The following CCAR1 variants were observed in gnomAD, a reference collection of about 807,000 sequenced individuals.
CCAR1 encodes the protein cell division cycle and apoptosis regulator protein 1.
A neutral mutation model predicts 163.8 loss-of-function variants in CCAR1; 78 were observed. That is an observed-to-expected ratio of 0.48 (90% CI 0.40 to 0.57). The LOEUF (loss-of-function observed/expected upper bound fraction) is 0.57, where lower values mean the gene tolerates loss of function less well. CCAR1 is among the 20% of genes least tolerant of loss of function. CCAR1 has a pLI of 0.00. For synonymous variants in CCAR1, 443 were observed against 460.7 expected, an observed-to-expected ratio of 0.96 and a Z score of 0.49; for missense variants, 1,019 against 1,365.2, an observed-to-expected ratio of 0.75 and a Z score of 4.00.
intron 19 of CCAR1, among the ~76,000 whole-genome samples, 153 bp from the exon 20 acceptor site, chr10:68,785,983 C>T (rs2056791089): frequency 6.6e-6 from 1 of 152,088 alleles, no homozygotes; most frequent in Admixed American, 6.6e-5. Flanking sequence ...TGATCTGTCA[C>T]CCAGACTGGA....
intron 15 of CCAR1, among the ~76,000 whole-genome samples, chr10:68,758,888 G>A (rs907849094): frequency 6.6e-6 from 1 of 151,804 alleles, no homozygotes; most frequent in Non-Finnish European, 1.5e-5. Flanking sequence ...GGCCAGGCTG[G>A]TCTGAACTCC....
chr10:68,742,217 T>TA (rs2056192431), intron 5 of CCAR1, among the ~76,000 whole-genome samples, 159 bp from the exon 6 acceptor site: 1 of 152,200 alleles, frequency 6.6e-6, no homozygotes, highest in Admixed American at 6.5e-5. Context: ...CTAAAAATAA[T>TA]TTATAGTTTA....
In CCAR1 at chr10:68,724,791, AAAAG is replaced by A. The variant is rs1350358574; in HGVS notation, c.73+2222_73+2225del. ...GACCTGGTCTCAAAAAAGGTAAAGAAAAAGAAAGAAAACCAACTCTAAAGAATTT... is the reference window on the plus strand; with the variant it reads ...GACCTGGTCTCAAAAAAGGTAAAGAAAAAGAAAACCAACTCTAAAGAATTT... On this transcript the variant is annotated intron_variant, in intron 2 of 24. Transcript: ENST00000265872. Among the ~76,000 whole-genome samples the A allele has an allele frequency of 7.2e-5, 11 of 152,258 alleles. No homozygotes were observed. In the East Asian group the frequency reaches 1.7e-3, roughly 24 times the overall value.
chr10:68,773,233 G>A (rs12570981), intron 19 of CCAR1, 134 bp downstream of exon 19: 100,040 of 475,978 alleles, frequency 0.21, 11,669 homozygotes, highest in South Asian at 0.26. Context: ...TCTTCAGTGA[G>A]AAAGTTTTTC....
intron 2 of CCAR1, among the ~76,000 whole-genome samples, chr10:68,725,397 C>CAA (rs35440330): frequency 1.3e-5 from 2 of 151,154 alleles, no homozygotes; most frequent in African/African-American, 2.4e-5. Context: ...GACTCCAGCT[C>CAA]AAAAAAAATA....
At chr10:68,740,745 G>T in intron 5 of CCAR1, 84 bp downstream of exon 5, 1 of 1,080,408 alleles carries the variant, frequency 9.3e-7, no homozygotes, top group South Asian at 1.5e-5. Flanking sequence ...TTTTCTTTCA[G>T]GGTTTAGTTA....
At chr10:68,766,789 T>C (rs2056541299) in intron 17 of CCAR1, among the ~76,000 whole-genome samples, 1 of 152,156 alleles carries the variant, frequency 6.6e-6, no homozygotes, top group Non-Finnish European at 1.5e-5. Flanking sequence ...CCTCCCAAAG[T>C]GCTGGGATTA....
In CCAR1 at chr10:68,749,660, C is replaced by A; in HGVS notation, c.1093C>A (p.Gln365Lys). The change falls in exon 10 of 25, where the codon CAG becomes AAG. Residue 365 changes from glutamine (Q) to lysine (K), a missense_variant. Gln to Lys is a moderately conservative substitution (Grantham distance 53). This residue lies in a region of CCAR1 where 644 missense variants were observed against 904.4 expected (regional missense o/e 0.71). Coordinates refer to ENST00000265872, the MANE Select transcript of CCAR1 (RefSeq NM_018237.4). ...ACGTGTTGTTCCACGTTACACAGTT[C>A]AGTTTTCAAAGTTTTCTTTAGATTG... ...VRRVVPRYTV[Q>K]FSKFSLDCPS... The A allele has an allele frequency of 6.2e-7, 1 of 1,610,252 alleles. No homozygotes were observed. The highest frequency in any genetic ancestry group is 1.1e-5 in the South Asian group (1 of 90,764).
At chr10:68,754,537 G>A (rs1367249531) in intron 11 of CCAR1, among the ~76,000 whole-genome samples, 177 bp from the exon 12 acceptor site, 4 of 152,176 alleles carry the variant, frequency 2.6e-5, no homozygotes, top group Non-Finnish European at 4.4e-5. Flanking sequence ...GGTGGCTCAC[G>A]CCTGTAATCC....
intron 4 of CCAR1, among the ~76,000 whole-genome samples, chr10:68,739,370 C>T (rs540711037): frequency 3.1e-4 from 47 of 152,218 alleles, no homozygotes; most frequent in Non-Finnish European, 6.5e-4. Context: ...AAGCTGGTCT[C>T]GAACTCCTGA....
chr10:68,785,853 C>T (rs937034495), intron 19 of CCAR1, among the ~76,000 whole-genome samples: 3 of 152,146 alleles, frequency 2.0e-5, no homozygotes, highest in East Asian at 1.9e-4. Flanking sequence ...TGGAATAACA[C>T]GATAAGTGAT....
chr10:68,728,977 A>G (rs1052612348), intron 2 of CCAR1, among the ~76,000 whole-genome samples: 1 of 151,866 alleles, frequency 6.6e-6, no homozygotes, highest in Non-Finnish European at 1.5e-5. Flanking sequence ...AGCCCTGTCC[A>G]ATAAGTAGAA....
chr10:68,780,525 A>T (rs867800853), intron 19 of CCAR1, among the ~76,000 whole-genome samples: 2 of 152,188 alleles, frequency 1.3e-5, no homozygotes, highest in Admixed American at 6.5e-5. Context: ...TTATTTAATA[A>T]CACCTTTATT....
intron 17 of CCAR1, 64 bp from the exon 18 acceptor site, chr10:68,771,142 T>G (rs1391173276): frequency 7.1e-7 from 1 of 1,403,094 alleles, no homozygotes; most frequent in East Asian, 2.3e-5. Context: ...TTTGCTAAAT[T>G]ACTCTGCTAG....
rs566566925 is a variant in CCAR1 at position 68,778,097 on chromosome 10, T to A, written c.2650+4998T>A. On this transcript the variant is annotated intron_variant, in intron 19 of 24. Coordinates refer to ENST00000265872, the MANE Select transcript of CCAR1 (RefSeq NM_018237.4). Reference sequence around the variant, plus strand: ...TGGGTGTGGTGGTACATGCCTGTTATCCCAGATACTCAGGAGGCTGAGGCA... The same window carrying A: ...TGGGTGTGGTGGTACATGCCTGTTAACCCAGATACTCAGGAGGCTGAGGCA... Among the ~76,000 whole-genome samples the A allele has an allele frequency of 2.0e-5, 3 of 152,244 alleles. No individual in the cohort carries two copies. The South Asian group carries it at 6.2e-4, about 32-fold the overall frequency.
intron 2 of CCAR1, among the ~76,000 whole-genome samples, chr10:68,729,805 G>A (rs1234519342): frequency 6.6e-6 from 1 of 151,986 alleles, no homozygotes; most frequent in Non-Finnish European, 1.5e-5. Context: ...TTGCTATGTT[G>A]CCTAGGCTGG....
At chr10:68,778,323 C>T (rs1564550706) in intron 19 of CCAR1, among the ~76,000 whole-genome samples, 1 of 152,184 alleles carries the variant, frequency 6.6e-6, no homozygotes, top group South Asian at 2.1e-4. Flanking sequence ...GAGTGGACCC[C>T]TCACATATGC....
intron 19 of CCAR1, among the ~76,000 whole-genome samples, chr10:68,784,038 G>T (rs954688619): frequency 5.3e-5 from 8 of 152,072 alleles, no homozygotes; most frequent in African/African-American, 1.9e-4. Flanking sequence ...GATTACAGGC[G>T]TGAGCCACTG....
chr10:68,734,336 T>G (rs890626705), intron 2 of CCAR1, among the ~76,000 whole-genome samples: 3 of 152,102 alleles, frequency 2.0e-5, no homozygotes. Flanking sequence ...AAATACTGGT[T>G]TTTACGGCCT....
Sources: gnomAD v4.1 joint callset for allele counts (sites outside exome capture counted in the v4.1 genomes callset) on GRCh38, gnomAD v4.1.1 for gene constraint, gnomAD v4.1.1 regional missense constraint, MANE v1.5 for transcripts, NCBI Gene and HGNC (gene_info 2026-07-23, HGNC 2026-07-21) for gene names.